Variants in KPNA6 observed in about 807,000 individuals in gnomAD.
The protein encoded by KPNA6 is karyopherin subunit alpha 6.
In KPNA6, 9 loss-of-function variants were observed where a neutral mutation model predicts 72.0. The ratio of observed to expected loss-of-function variants is 0.13; its 90% CI spans 0.08 to 0.22. The LOEUF (loss-of-function observed/expected upper bound fraction) is 0.22. KPNA6 is among the 10% of genes least tolerant of loss of function. KPNA6 has a pLI of 1.00. For missense variants in KPNA6, 374 were observed against 655.7 expected (o/e 0.57, Z 4.69); for synonymous variants, 219 against 242.1 (o/e 0.90, Z 0.89).
chr1:32,118,270 G>T (rs1641362345), intron 1 of KPNA6, among the ~76,000 whole-genome samples: 1 of 151,616 alleles, frequency 6.6e-6, no homozygotes, highest in Admixed American at 6.6e-5. Flanking sequence ...CCTTCTTCAT[G>T]AACCTTTCTG....
intron 1 of KPNA6, among the ~76,000 whole-genome samples, chr1:32,120,436 C>T (rs1243603560): frequency 1.3e-5 from 2 of 149,992 alleles, no homozygotes; most frequent in Admixed American, 6.7e-5. Flanking sequence ...TTAGTAGAGG[C>T]GGGGTTTCAC....
chr1:32,152,279 T>A (rs1158224582), intron 1 of KPNA6, among the ~76,000 whole-genome samples: 3 of 152,188 alleles, frequency 2.0e-5, no homozygotes, highest in Admixed American at 6.5e-5. Flanking sequence ...TGGTGAGCTG[T>A]GATCGTGCAC....
intron 1 of KPNA6, among the ~76,000 whole-genome samples, chr1:32,128,446 T>C (rs1641580285): frequency 7.1e-6 from 1 of 141,784 alleles, no homozygotes; most frequent in Non-Finnish European, 1.5e-5. Context: ...CACACATATA[T>C]ATATACACAT....
At chr1:32,141,354 C>CT (rs796943396) in intron 1 of KPNA6, among the ~76,000 whole-genome samples, 54 of 44,418 alleles carry the variant, frequency 1.2e-3, no homozygotes, top group Middle Eastern at 0.017. Context: ...TCCATTAGGG[C>CT]TTTTTTTTTT....
At chr1:32,121,038 A>G (rs1459210042) in intron 1 of KPNA6, among the ~76,000 whole-genome samples, 1 of 152,022 alleles carries the variant, frequency 6.6e-6, no homozygotes, top group Non-Finnish European at 1.5e-5. Flanking sequence ...CACCATGCCC[A>G]GCTAATTTTT....
intron 2 of KPNA6, 22 bp downstream of exon 2, chr1:32,154,743 C>T (rs763634120): frequency 1.9e-6 from 3 of 1,612,782 alleles, no homozygotes; most frequent in East Asian, 4.5e-5. Context: ...GGAGTATTCT[C>T]AAACATACTA....
chr1:32,119,010 A>G (rs1569992548), intron 1 of KPNA6, among the ~76,000 whole-genome samples: 3 of 62,892 alleles, frequency 4.8e-5, no homozygotes, highest in Admixed American at 1.8e-4. Flanking sequence ...ATATATATAT[A>G]TATATATATA....
intron 1 of KPNA6, among the ~76,000 whole-genome samples, chr1:32,151,738 AAC>A (rs1642036778): frequency 6.6e-6 from 1 of 152,232 alleles, no homozygotes; most frequent in Admixed American, 6.5e-5. Flanking sequence ...CGATGTCTGA[AAC>A]AGTTTATAGC....
chr1:32,165,843 G>T (rs1642322478), intron 10 of KPNA6, among the ~76,000 whole-genome samples: 1 of 151,444 alleles, frequency 6.6e-6, no homozygotes, highest in African/African-American at 2.4e-5. Flanking sequence ...ACTAAAAATA[G>T]AAAAATTTTC....
chr1:32,116,880 G>C (rs554912704), intron 1 of KPNA6, among the ~76,000 whole-genome samples: 40 of 152,162 alleles, frequency 2.6e-4, no homozygotes, highest in Middle Eastern at 3.4e-3. Flanking sequence ...AGGGAATAGG[G>C]TGGGAGAGAG....
intron 10 of KPNA6, among the ~76,000 whole-genome samples, chr1:32,165,171 T>A (rs939512386): frequency 1.3e-5 from 2 of 152,196 alleles, no homozygotes; most frequent in Non-Finnish European, 2.9e-5. Flanking sequence ...CTTCTCAAAG[T>A]GCTGGGATTA....
intron 5 of KPNA6, among the ~76,000 whole-genome samples, chr1:32,159,006 C>T (rs1488862752): frequency 6.6e-6 from 1 of 152,184 alleles, no homozygotes; most frequent in Non-Finnish European, 1.5e-5. Flanking sequence ...TGCCAGAACT[C>T]AGCTGAAAGG....
At chr1:32,143,089 C>G (rs1408816115) in intron 1 of KPNA6, 1 of 965,808 alleles carries the variant, frequency 1.0e-6, no homozygotes, top group Non-Finnish European at 1.4e-6. Flanking sequence ...GTTAGTCTCA[C>G]AGGGATAATC....
At position 32,132,719 on chromosome 1, in the gene KPNA6, C is replaced by A. The variant is rs917438477; in HGVS notation, c.5-21869C>A. On this transcript the variant is annotated intron_variant, in intron 1 of 13. Coordinates refer to ENST00000373625, the MANE Select transcript of KPNA6 (RefSeq NM_012316.5). Reference sequence around the variant, plus strand: ...GAGATCGAGACCATCCTGGCTAACACGGTGAAACCCCGTCTCTACTAAAAA... The same window carrying A: ...GAGATCGAGACCATCCTGGCTAACAAGGTGAAACCCCGTCTCTACTAAAAA... Among the ~76,000 whole-genome samples, 5 of 152,014 alleles carry A rather than the reference C, an allele frequency of 3.3e-5. No homozygotes were observed. In the South Asian group the frequency reaches 1.0e-3, roughly 32 times the overall value.
intron 1 of KPNA6, among the ~76,000 whole-genome samples, chr1:32,153,997 A>G (rs1354939074): frequency 6.6e-6 from 1 of 152,024 alleles, no homozygotes; most frequent in East Asian, 1.9e-4. Flanking sequence ...AAATATAAAA[A>G]TTAACCAGTT....
At chr1:32,125,829 G>GA (rs1194341607) in intron 1 of KPNA6, among the ~76,000 whole-genome samples, 3 of 151,900 alleles carry the variant, frequency 2.0e-5, no homozygotes, top group Non-Finnish European at 4.4e-5. Flanking sequence ...TGAGGTTTGG[G>GA]ATAGAACCCT....
At chr1:32,156,764 T>C in intron 2 of KPNA6, 89 bp from the exon 3 acceptor site, 1 of 982,108 alleles carries the variant, frequency 1.0e-6, no homozygotes. Flanking sequence ...TAGTATATCC[T>C]TGTCAGTTAT....
rs1642428205 is a variant in KPNA6 at position 32,171,051 on chromosome 1, G to C, written c.*157G>C. The C allele has an allele frequency of 1.6e-6, 1 of 642,162 alleles. No homozygotes were observed. Among genetic ancestry groups the C allele is most frequent in the Admixed American group, 2.8e-5 (1 of 35,282 alleles). The allele number at this position is 642,162 out of a possible 1,614,324, so 39.8% of individuals were successfully genotyped here. On this transcript the variant is annotated 3_prime_UTR_variant, in exon 14 of 14. Coordinates refer to ENST00000373625, the MANE Select transcript of KPNA6 (RefSeq NM_012316.5). Reference sequence around the variant, plus strand: ...TTGACCTGCTCCGCCCCCTTCCCTGGAGGGAGCACCCTCTGGACAGACAGA... The same window carrying C: ...TTGACCTGCTCCGCCCCCTTCCCTGCAGGGAGCACCCTCTGGACAGACAGA...
intron 1 of KPNA6, among the ~76,000 whole-genome samples, chr1:32,151,045 A>G (rs1233131402): frequency 6.6e-6 from 1 of 152,096 alleles, no homozygotes; most frequent in African/African-American, 2.4e-5. Flanking sequence ...CTCCCACCTC[A>G]GCCTTCCAAA....
Sources: allele counts gnomAD v4.1 joint callset (sites outside exome capture counted in the v4.1 genomes callset), GRCh38; gene constraint gnomAD v4.1.1; transcripts MANE v1.5; gene names NCBI Gene and HGNC (gene_info 2026-07-23, HGNC 2026-07-21).